KIAA2012: variants seen among roughly 807,000 people sequenced by gnomAD.
KIAA2012 encodes the protein KIAA2012.
KIAA2012 carries 125 observed loss-of-function variants against 150.6 expected under a neutral mutation model. That is an observed-to-expected ratio of 0.83 (90% CI 0.72 to 0.96). KIAA2012 has a LOEUF of 0.96. Among genes scored for constraint, KIAA2012 ranks in the 40% least tolerant of loss-of-function variants. The pLI, the probability that KIAA2012 is intolerant of heterozygous loss-of-function variation, is 0.00. For missense variants in KIAA2012, 1,219 were observed against 1,354.9 expected, an observed-to-expected ratio of 0.90 and a Z score of 1.57; for synonymous variants, 462 against 504.7, an observed-to-expected ratio of 0.92 and a Z score of 1.13.
chr2:202,079,701 G>GTTGT (rs1689402980), intron 2 of KIAA2012, among the ~76,000 whole-genome samples: 1 of 152,168 alleles, frequency 6.6e-6, no homozygotes, highest in Non-Finnish European at 1.5e-5. Flanking sequence ...CAAATATGTC[G>GTTGT]CTTGGTTGGT....
At chr2:202,110,803 C>G (rs138716218) in intron 10 of KIAA2012, among the ~76,000 whole-genome samples, 2 of 152,210 alleles carry the variant, frequency 1.3e-5, no homozygotes, top group South Asian at 2.1e-4. Context: ...CAGCACACCC[C>G]CTTCTCATTC....
At chr2:202,133,123 TA>T in intron 12 of KIAA2012, among the ~76,000 whole-genome samples, 1 of 106,768 alleles carries the variant, frequency 9.4e-6, no homozygotes, top group Non-Finnish European at 1.9e-5. Flanking sequence ...TATATATATA[TA>T]TATATATTTT....
chr2:202,119,266 C>T lies in KIAA2012; in HGVS notation c.1762+5820C>T, dbSNP rs992393736. Among the ~76,000 whole-genome samples, 15 of 85,656 alleles carry T rather than the reference C, an allele frequency of 1.8e-4. 1 individual carries two copies. Among genetic ancestry groups the T allele is most frequent in the African/African-American group, 4.1e-4 (8 of 19,632 alleles). The allele number at this position is 85,656 out of a possible 152,430, so 56.2% of individuals were successfully genotyped here. ...CAGCCTGGGCAACAGAGCGAGACTCCGTCTCAGGAAAAAAAAAAAAGAATA... is the reference window on the plus strand; with the variant it reads ...CAGCCTGGGCAACAGAGCGAGACTCTGTCTCAGGAAAAAAAAAAAAGAATA... On this transcript the variant is annotated intron_variant, in intron 11 of 23. Coordinates refer to ENST00000498697, the MANE Select transcript of KIAA2012 (RefSeq NM_001277372.4).
intron 15 of KIAA2012, among the ~76,000 whole-genome samples, chr2:202,169,883 T>C (rs1559227219): frequency 1.3e-5 from 2 of 152,208 alleles, no homozygotes; most frequent in Non-Finnish European, 2.9e-5. Flanking sequence ...ATTGCTTCTC[T>C]GGGCCTTGGT....
chr2:202,163,570 TG>T (rs1316166116), intron 14 of KIAA2012, among the ~76,000 whole-genome samples: 4 of 152,194 alleles, frequency 2.6e-5, no homozygotes, highest in African/African-American at 7.2e-5. Context: ...TCTCCCACTC[TG>T]TGAAATGAGA....
rs551698846 is a variant in KIAA2012 at position 202,095,848 on chromosome 2, T to A, written c.686-1587T>A. 1.6e-3 allele frequency among the ~76,000 whole-genome samples: 244 copies of A among 152,256 alleles called. 2 individuals are homozygous for A. The highest frequency in any genetic ancestry group is 1.0e-2 in the South Asian group (48 of 4,822). On this transcript the variant is annotated intron_variant, in intron 4 of 23. Transcript: ENST00000498697. ...ACTGTAATCCCAACACTTTGGTAGG[T>A]TGAGGCGGGTGGATCACTTGAGGTC...
intron 2 of KIAA2012, among the ~76,000 whole-genome samples, chr2:202,084,252 G>C (rs1689513011): frequency 1.3e-5 from 2 of 152,256 alleles, no homozygotes; most frequent in Admixed American, 1.3e-4. Context: ...TGGGGACTCT[G>C]GCTCCCTGCC....
intron 15 of KIAA2012, among the ~76,000 whole-genome samples, chr2:202,170,259 A>T (rs904751985): frequency 1.7e-4 from 26 of 152,204 alleles, no homozygotes; most frequent in African/African-American, 6.3e-4. Flanking sequence ...TGGCATGAGG[A>T]CTCCATAAAC....
chr2:202,100,937 C>G, intron 7 of KIAA2012, among the ~76,000 whole-genome samples: 1 of 152,128 alleles, frequency 6.6e-6, no homozygotes. Context: ...TTAGAGATGT[C>G]CTTGGCTGTC....
intron 2 of KIAA2012, among the ~76,000 whole-genome samples, chr2:202,083,316 G>A (rs951886576): frequency 2.0e-5 from 3 of 152,220 alleles, no homozygotes; most frequent in Non-Finnish European, 2.9e-5. Flanking sequence ...TCAAAGTCAC[G>A]CTGGGGATGG....
At chr2:202,179,720 A>G (rs879131917) in intron 15 of KIAA2012, 11 of 659,206 alleles carry the variant, frequency 1.7e-5, no homozygotes, top group East Asian at 1.5e-4. Context: ...AATGAGGGAC[A>G]ACCATATTTA....
intron 9 of KIAA2012, among the ~76,000 whole-genome samples, chr2:202,106,284 G>A (rs1037837783): frequency 2.6e-5 from 4 of 152,132 alleles, no homozygotes; most frequent in Non-Finnish European, 5.9e-5. Flanking sequence ...GTAGAAAAGC[G>A]TCAAACTTAC....
intron 10 of KIAA2012, among the ~76,000 whole-genome samples, chr2:202,110,614 C>CAGAT: frequency 6.6e-6 from 1 of 152,284 alleles, no homozygotes; most frequent in African/African-American, 2.4e-5. Context: ...AAAGAGGTAT[C>CAGAT]TCTGTTAACA....
Position 202,193,482 on chromosome 2 carries a change from A to G in KIAA2012, c.2993A>G (p.Gln998Arg), listed in dbSNP as rs1464837005. ...KMEEELELEQ[Q>R]RRTEEIRLRK... ...GAGGAGGAGCTGGAGCTGGAGCAGC[A>G]GAGACGTACAGAAGAGATCCGGTAG... Residue 998 changes from glutamine to arginine, a missense_variant, in exon 20 of 24, where the codon CAG (glutamine) becomes CGG (arginine). Gln to Arg is a conservative substitution (Grantham distance 43). Coordinates refer to ENST00000498697, the MANE Select transcript of KIAA2012 (RefSeq NM_001277372.4). 16 of 1,550,086 alleles carry G rather than the reference A, an allele frequency of 1.0e-5. No homozygotes were observed. Among genetic ancestry groups the G allele is most frequent in the Non-Finnish European group, 1.3e-5 (15 of 1,146,912 alleles).
At chr2:202,180,518 A>C (rs371114741) in intron 15 of KIAA2012, among the ~76,000 whole-genome samples, 2 of 152,256 alleles carry the variant, frequency 1.3e-5, no homozygotes, top group African/African-American at 4.8e-5. Flanking sequence ...CAAAGAGTAA[A>C]TTTTTTAATA....
intron 10 of KIAA2012, among the ~76,000 whole-genome samples, chr2:202,113,107 GC>G (rs1690418917): frequency 6.6e-6 from 1 of 152,168 alleles, no homozygotes; most frequent in Admixed American, 6.5e-5. Flanking sequence ...GCAAGTGGTA[GC>G]CCCTCCCTGT....
intron 15 of KIAA2012, chr2:202,179,812 C>T (rs1006399004): frequency 1.6e-6 from 1 of 621,182 alleles, no homozygotes; most frequent in Admixed American, 1.9e-5. Flanking sequence ...GGAAACTTCC[C>T]TTGAGAAAAG....
intron 11 of KIAA2012, among the ~76,000 whole-genome samples, chr2:202,124,233 A>G (rs1053697965): frequency 1.3e-5 from 2 of 152,052 alleles, no homozygotes; most frequent in African/African-American, 4.8e-5. Context: ...GACCCACTCA[A>G]TTGACCTCTT....
chr2:202,197,292 G>A (rs1692432869), intron 22 of KIAA2012: 2 of 494,568 alleles, frequency 4.0e-6, no homozygotes, highest in South Asian at 2.5e-5. Flanking sequence ...TCCCAAAGAG[G>A]GAAAGGATCT....
Sources: gnomAD v4.1 joint callset for allele counts (sites outside exome capture counted in the v4.1 genomes callset) on GRCh38, gnomAD v4.1.1 for gene constraint, MANE v1.5 for transcripts, NCBI Gene and HGNC (gene_info 2026-07-23, HGNC 2026-07-21) for gene names.